NPAS3: variants seen among roughly 807,000 people sequenced by gnomAD.
NPAS3 encodes neuronal PAS domain-containing protein 3.
NPAS3 carries 14 observed loss-of-function variants against 73.1 expected under a neutral mutation model. That is an observed-to-expected ratio of 0.19 (90% CI 0.13 to 0.30). The LOEUF is 0.30. Among genes scored for constraint, NPAS3 ranks in the 10% least tolerant of loss-of-function variants. The pLI, the probability that NPAS3 is intolerant of heterozygous loss-of-function variation, is 1.00. For synonymous variants in NPAS3, 620 were observed against 541.5 expected, an observed-to-expected ratio of 1.14 and a Z score of -2.01; for missense variants, 1,096 against 1,250.0, an observed-to-expected ratio of 0.88 and a Z score of 1.86.
intron 2 of NPAS3, among the ~76,000 whole-genome samples, chr14:33,109,728 T>A (rs2042828984): frequency 6.6e-6 from 1 of 152,028 alleles, no homozygotes; most frequent in South Asian, 2.1e-4. Flanking sequence ...ACTTTAGCAT[T>A]GTTTAGCAAT....
rs955747480 is a variant in NPAS3, at chr14:33,008,236, A to G, written c.51-47669A>G. On this transcript the variant is annotated intron_variant, in intron 1 of 11. Coordinates refer to ENST00000356141, the Ensembl canonical transcript of NPAS3. ...AAATTGTGGAAATCTGCACGGTTAA[A>G]AAAAATGAACTACATGTATTATTTT... 2.6e-5 allele frequency among the ~76,000 whole-genome samples: 4 copies of G among 152,220 alleles called. No individual in the cohort carries two copies. The South Asian group carries it at 8.3e-4, about 31-fold the overall frequency.
chr14:33,189,243 G>A (rs1018923425), intron 2 of NPAS3, among the ~76,000 whole-genome samples: 6 of 152,056 alleles, frequency 3.9e-5, no homozygotes, highest in South Asian at 2.1e-4. Context: ...CTGCCCTATC[G>A]GTGCCAAAAG....
rs552114494 is a variant in NPAS3 at position 33,616,397 on chromosome 14, A to G, written c.558+56187A>G. Among the ~76,000 whole-genome samples, 202 of 152,298 alleles carry G rather than the reference A, an allele frequency of 1.3e-3. 1 individual carries two copies. Among genetic ancestry groups the G allele is most frequent in the African/African-American group, 4.5e-3 (188 of 41,562 alleles). ...CCTTTGGCCACTTGCTGAGGTCAGG[A>G]GCATGGGAACACCCTGTGTCGCTCT... On this transcript the variant is annotated intron_variant, in intron 5 of 11. Transcript: ENST00000356141.
intron 3 of NPAS3, among the ~76,000 whole-genome samples, chr14:33,273,368 T>C (rs2041186029): frequency 6.6e-6 from 1 of 152,174 alleles, no homozygotes; most frequent in Admixed American, 6.6e-5. Flanking sequence ...GGGTAGGAGT[T>C]AAAAGCTGTA....
chr14:33,063,355 C>T (rs2041172144), intron 2 of NPAS3, among the ~76,000 whole-genome samples: 2 of 152,166 alleles, frequency 1.3e-5, no homozygotes, highest in South Asian at 4.1e-4. Context: ...GCTTACAGAG[C>T]TGACAGAACT....
intron 4 of NPAS3, among the ~76,000 whole-genome samples, chr14:33,475,099 C>T (rs1392097957): frequency 6.6e-6 from 1 of 151,894 alleles, no homozygotes; most frequent in Non-Finnish European, 1.5e-5. Flanking sequence ...TTTTTTCAAG[C>T]CACATAGATG....
chr14:33,325,639 CAAAAAAA>C (rs1164467989), intron 3 of NPAS3, among the ~76,000 whole-genome samples: 7 of 62,032 alleles, frequency 1.1e-4, no homozygotes, highest in African/African-American at 5.3e-5. Flanking sequence ...GACTCCGTCT[CAAAAAAA>C]AAAAAAAAAA....
intron 1 of NPAS3, among the ~76,000 whole-genome samples, chr14:33,024,264 T>G (rs551088253): frequency 2.2e-3 from 340 of 151,766 alleles, no homozygotes; most frequent in Non-Finnish European, 3.8e-3. Context: ...CTCCACCTCC[T>G]GGGTTCAAGC....
intron 3 of NPAS3, among the ~76,000 whole-genome samples, chr14:33,266,292 C>A (rs997397780): frequency 5.3e-5 from 8 of 152,120 alleles, no homozygotes; most frequent in Non-Finnish European, 7.4e-5. Context: ...CACCTAGGAC[C>A]ATTTCAACAG....
intron 4 of NPAS3, among the ~76,000 whole-genome samples, chr14:33,550,779 C>A (rs1222519709): frequency 1.3e-5 from 2 of 152,306 alleles, no homozygotes; most frequent in Admixed American, 1.3e-4. Flanking sequence ...TCATATGAAG[C>A]TAAATTCTGG....
chr14:33,589,992 CA>C (rs2057004873), intron 5 of NPAS3, among the ~76,000 whole-genome samples: 1 of 152,092 alleles, frequency 6.6e-6, no homozygotes, highest in South Asian at 2.1e-4. Context: ...ATAAAGGTGG[CA>C]ATAAAACCCA....
At chr14:33,351,675 A>G (rs1255706749) in intron 3 of NPAS3, among the ~76,000 whole-genome samples, 2 of 152,210 alleles carry the variant, frequency 1.3e-5, no homozygotes, top group Non-Finnish European at 2.9e-5. Context: ...CCAAATCCAT[A>G]ATATAGAATC....
chr14:33,455,935 C>T (rs754046108), intron 4 of NPAS3, among the ~76,000 whole-genome samples: 31 of 152,194 alleles, frequency 2.0e-4, no homozygotes, highest in Admixed American at 6.5e-4. Context: ...TAGTAAGACA[C>T]ACAGGGCCAT....
chr14:33,480,216 G>T (rs1170815391), intron 4 of NPAS3, among the ~76,000 whole-genome samples: 1 of 152,128 alleles, frequency 6.6e-6, no homozygotes, highest in East Asian at 1.9e-4. Flanking sequence ...AGTATTAGAA[G>T]ATACATTTTA....
chr14:33,055,794 C>CGGAGGTGG, intron 1 of NPAS3, 111 bp from the exon 2 acceptor site: 1 of 654,212 alleles, frequency 1.5e-6, no homozygotes, highest in Non-Finnish European at 2.8e-6. Flanking sequence ...GTGTAGAGCT[C>CGGAGGTGG]AAAAGCGTAA....
chr14:33,610,464 G>T (rs1317434586), intron 5 of NPAS3, among the ~76,000 whole-genome samples: 1 of 151,752 alleles, frequency 6.6e-6, no homozygotes, highest in African/African-American at 2.4e-5. Context: ...GAAAAGTGTT[G>T]TTCTTTTTCA....
chr14:33,752,606 T>C (rs2140771612), intron 7 of NPAS3, among the ~76,000 whole-genome samples: 1 of 152,330 alleles, frequency 6.6e-6, no homozygotes, highest in African/African-American at 2.4e-5. Flanking sequence ...TATAGACATA[T>C]GCATTCATAA....
chr14:33,622,173 G>T (rs775335320), intron 5 of NPAS3, among the ~76,000 whole-genome samples: 11 of 152,072 alleles, frequency 7.2e-5, no homozygotes, highest in Non-Finnish European at 1.5e-4. Context: ...TTACCAGTCG[G>T]TTCTAAGAGC....
At position 33,525,119 on chromosome 14, in the gene NPAS3, T is replaced by A. The variant is rs577532037; in HGVS notation, c.469-35002T>A. Reference sequence around the variant, plus strand: ...ATTGGTTTTGTGTTAAATGTACTATTCATAATGTAGAAAAATGTTCTAAAA... The same window carrying A: ...ATTGGTTTTGTGTTAAATGTACTATACATAATGTAGAAAAATGTTCTAAAA... On this transcript the variant is annotated intron_variant, in intron 4 of 11. Coordinates refer to ENST00000356141, the Ensembl canonical transcript of NPAS3. Among the ~76,000 whole-genome samples, 74 of 152,306 alleles carry A rather than the reference T, an allele frequency of 4.9e-4. 1 individual carries two copies. Among genetic ancestry groups the A allele is most frequent in the African/African-American group, 1.8e-3 (73 of 41,578 alleles).
Sources: allele counts gnomAD v4.1 joint callset (sites outside exome capture counted in the v4.1 genomes callset), GRCh38; gene constraint gnomAD v4.1.1; transcripts MANE v1.5; gene names NCBI Gene and HGNC (gene_info 2026-07-23, HGNC 2026-07-21).